The following OSBPL3 variants were observed in gnomAD, a reference collection of about 807,000 sequenced individuals.
OSBPL3 encodes the protein oxysterol-binding protein-related protein 3.
OSBPL3 carries 65 observed loss-of-function variants against 120.1 expected under a neutral mutation model. The observed-to-expected ratio is 0.54, with a 90% CI of 0.44 to 0.67. OSBPL3 has a LOEUF of 0.67. OSBPL3 is among the 30% of genes least tolerant of loss of function. OSBPL3 has a pLI of 0.00. For missense variants in OSBPL3, 1,004 were observed against 1,082.1 expected (o/e 0.93, Z 1.01); for synonymous variants, 416 against 402.6 (o/e 1.03, Z -0.40).
chr7:24,809,800 C>A lies in OSBPL3; in HGVS notation c.2317+7G>T, dbSNP rs774783993. On this transcript the variant is annotated splice_region_variant and intron_variant, in intron 20 of 22. Transcript: ENST00000313367. ...ACAGCCTGGGGTCCACAAACCCAGA[C>A]ACTCACTTGCTCTCCATACACAGGC... The A allele has an allele frequency of 6.2e-6, 10 of 1,613,900 alleles. No individual in the cohort carries two copies. Among genetic ancestry groups the A allele is most frequent in the Non-Finnish European group, 8.5e-6 (10 of 1,179,948 alleles).
In OSBPL3 at chr7:24,808,421, A is replaced by T. The variant is rs1793339484; in HGVS notation, c.2317+1386T>A. 6.7e-6 allele frequency among the ~76,000 whole-genome samples: 1 copy of T among 149,754 alleles called. No individual in the cohort carries two copies. The highest frequency in any genetic ancestry group is 7.1e-5 in the Admixed American group (1 of 14,082). The stretch of plus-strand genomic sequence containing the variant: ...GAATAATGACAGTAACAAAAATTTA[A>T]ACAGTGTTGCTTTATCAAGGTGGTA... On this transcript the variant is annotated intron_variant, in intron 20 of 22. Transcript: ENST00000313367. This position sits in a 1 kb window ranked among gnomAD's most constrained non-coding sequence, Gnocchi z 4.6.
intron 13 of OSBPL3, among the ~76,000 whole-genome samples, chr7:24,841,567 C>T (rs1210863528): frequency 1.3e-5 from 2 of 151,270 alleles, no homozygotes; most frequent in Admixed American, 6.6e-5. Context: ...ATGGGGCGCA[C>T]GCCTGTATTC....
At chr7:24,840,623 A>G (rs939600537) in intron 14 of OSBPL3, 67 bp downstream of exon 14, 2 of 651,834 alleles carry the variant, frequency 3.1e-6, no homozygotes, top group Non-Finnish European at 5.3e-6. Flanking sequence ...TCAAGAGTCA[A>G]CTATACAACT....
In OSBPL3 at chr7:24,815,316, T is replaced by C. The variant is rs914818596; in HGVS notation, c.2028-113A>G. ...ATGCAATGCATTATTCATCTCTTTA[T>C]TCACAGAAGCAACACTGGCTAAGTG... On this transcript the variant is annotated intron_variant, in intron 18 of 22. Transcript: ENST00000313367. This position sits in a 1 kb window ranked among gnomAD's most constrained non-coding sequence, Gnocchi z 5.1. 2.5e-6 allele frequency: 2 copies of C among 807,610 alleles called. No individual in the cohort carries two copies. The highest frequency in any genetic ancestry group is 2.0e-6 in the Non-Finnish European group (1 of 500,348). The allele number at this position is 807,610 out of a possible 1,614,324, so 50.0% of individuals were successfully genotyped here.
chr7:24,874,449 T>C (rs1407478996), intron 2 of OSBPL3, among the ~76,000 whole-genome samples: 2 of 152,218 alleles, frequency 1.3e-5, no homozygotes, highest in East Asian at 1.9e-4. Flanking sequence ...TCAGACGTTA[T>C]TGCATCCTTT....
Position 24,879,964 on chromosome 7 carries a change from T to C in OSBPL3, c.97-7895A>G, listed in dbSNP as rs1803418978. ...TTAAAGCTACAAACAGCATCTTCTA[T>C]GCATTTTTCTCTCCTCCTAATGCTC... On this transcript the variant is annotated intron_variant, in intron 2 of 22. Transcript: ENST00000313367. This position sits in a 1 kb window ranked among gnomAD's most constrained non-coding sequence, Gnocchi z 5.6. Among the ~76,000 whole-genome samples the C allele has an allele frequency of 6.6e-6, 1 of 152,220 alleles. No individual in the cohort carries two copies. The highest frequency in any genetic ancestry group is 1.9e-4 in the East Asian group (1 of 5,200).
At position 24,855,961 on chromosome 7, in the gene OSBPL3, C is replaced by T. The variant is rs1349707868; in HGVS notation, c.1028-3327G>A. Among the ~76,000 whole-genome samples, 1 of 152,186 alleles carries T rather than the reference C, an allele frequency of 6.6e-6. No homozygotes were observed. The highest frequency in any genetic ancestry group is 2.1e-4 in the South Asian group (1 of 4,824). On this transcript the variant is annotated intron_variant, in intron 10 of 22. Coordinates refer to ENST00000313367, the MANE Select transcript of OSBPL3 (RefSeq NM_015550.4). This position sits in a 1 kb window ranked among gnomAD's most constrained non-coding sequence, Gnocchi z 4.3. ...CTTCCCCGCCAAATGGTCTGCTGGC[C>T]CACGCTTGTCAGAGCACTTGCTATC...
At position 24,871,739 on chromosome 7, in the gene OSBPL3, T is replaced by TA. The variant is rs766296793; in HGVS notation, c.267+2dup. ...ACCACAGTGGGCCCACAAAAAGACT[T>TA]ACATCGGTTTGGCTCTTGGCATATT... On this transcript the variant is annotated splice_region_variant and intron_variant, in intron 4 of 22. Transcript: ENST00000313367. This position sits in a 1 kb window ranked among gnomAD's most constrained non-coding sequence, Gnocchi z 4.8. 1 of 1,610,956 alleles carries TA rather than the reference T, an allele frequency of 6.2e-7. No individual in the cohort carries two copies. The highest frequency in any genetic ancestry group is 1.1e-5 in the South Asian group (1 of 90,968).
At chr7:24,904,767 A>G (rs964374548) in intron 1 of OSBPL3, among the ~76,000 whole-genome samples, 6 of 152,198 alleles carry the variant, frequency 3.9e-5, no homozygotes, top group African/African-American at 1.4e-4. Flanking sequence ...CAAATACGGC[A>G]TGATTCCACT....
chr7:24,942,438 G>A (rs1813211007), intron 1 of OSBPL3, among the ~76,000 whole-genome samples: 1 of 112,770 alleles, frequency 8.9e-6, no homozygotes, highest in African/African-American at 3.8e-5. Flanking sequence ...CCTGGATTTA[G>A]ATCCTTCACG....
At chr7:24,884,051 G>T (rs1261362078) in intron 2 of OSBPL3, among the ~76,000 whole-genome samples, 1 of 149,460 alleles carries the variant, frequency 6.7e-6, no homozygotes, top group African/African-American at 2.5e-5. Context: ...TCTCAGTGGG[G>T]TCCACTAGAA....
Position 24,959,556 on chromosome 7 carries a change from G to A in OSBPL3, c.-150+20330C>T, listed in dbSNP as rs558706055. On this transcript the variant is annotated intron_variant, in intron 1 of 22. Coordinates refer to ENST00000313367, the MANE Select transcript of OSBPL3 (RefSeq NM_015550.4). The surrounding 1 kb of genome is among the most constrained non-coding windows in gnomAD (Gnocchi z 4.3). The stretch of plus-strand genomic sequence containing the variant: ...ATTACCCATTGCGGGTAGGGATAGC[G>A]ACTTCGGAAGAGCTGGTAATCACCT... 6.6e-6 allele frequency among the ~76,000 whole-genome samples: 1 copy of A among 152,180 alleles called. No homozygotes were observed. Among genetic ancestry groups the A allele is most frequent in the Admixed American group, 6.5e-5 (1 of 15,278 alleles).
In OSBPL3 at chr7:24,932,598, C is replaced by G. The variant is rs148072256; in HGVS notation, c.-149-39977G>C. ...AGATTCCCCACAGAGCTGCCTTGTC[C>G]CTTCCACCCTGTGAGCACACAGCAA... On this transcript the variant is annotated intron_variant, in intron 1 of 22. Transcript: ENST00000313367. This position sits in a 1 kb window ranked among gnomAD's most constrained non-coding sequence, Gnocchi z 5.6. Among the ~76,000 whole-genome samples, 185 of 152,188 alleles carry G rather than the reference C, an allele frequency of 1.2e-3. No homozygotes were observed. The highest frequency in any genetic ancestry group is 3.7e-3 in the African/African-American group (153 of 41,508).
intron 1 of OSBPL3, among the ~76,000 whole-genome samples, chr7:24,917,454 C>CATAT (rs1174566621): frequency 1.2e-5 from 1 of 84,556 alleles, no homozygotes; most frequent in Admixed American, 1.2e-4. Context: ...TATACACACA[C>CATAT]ATATATATAT....
chr7:24,839,991 C>CAAAAAAAAAAAAAAAAAAA (rs71675250), intron 14 of OSBPL3, among the ~76,000 whole-genome samples: 4 of 53,302 alleles, frequency 7.5e-5, no homozygotes, highest in East Asian at 5.4e-4. Flanking sequence ...CTCCATCTCA[C>CAAAAAAAAAAAAAAAAAAA]AAAAAAAAAA....
intron 1 of OSBPL3, among the ~76,000 whole-genome samples, chr7:24,979,547 C>T (rs1373749156): frequency 6.6e-6 from 1 of 152,204 alleles, no homozygotes; most frequent in Non-Finnish European, 1.5e-5. Flanking sequence ...GTAGCGCCTC[C>T]CCGCTGCCCA....
chr7:24,841,132 T>C (rs1797686338), intron 13 of OSBPL3, among the ~76,000 whole-genome samples: 1 of 152,168 alleles, frequency 6.6e-6, no homozygotes, highest in Admixed American at 6.5e-5. Flanking sequence ...GTAAAAAGTA[T>C]CTTCTATGGG....
At chr7:24,895,373 C>T (rs1032027772) in intron 1 of OSBPL3, among the ~76,000 whole-genome samples, 2 of 152,154 alleles carry the variant, frequency 1.3e-5, no homozygotes, top group African/African-American at 4.8e-5. Flanking sequence ...GGTTTGTAGC[C>T]TGGGAGCAGT....
Position 24,972,646 on chromosome 7 carries a change from G to A in OSBPL3, c.-150+7240C>T, listed in dbSNP as rs1373687244. On this transcript the variant is annotated intron_variant, in intron 1 of 22. Coordinates refer to ENST00000313367, the MANE Select transcript of OSBPL3 (RefSeq NM_015550.4). The surrounding 1 kb of genome is among the most constrained non-coding windows in gnomAD (Gnocchi z 4.3). ...GAAACGTATGAGCAAAAATCTTAGCGCATGCTTTAATTCTAGGGAGGCATC... is the reference window on the plus strand; with the variant it reads ...GAAACGTATGAGCAAAAATCTTAGCACATGCTTTAATTCTAGGGAGGCATC... Among the ~76,000 whole-genome samples the A allele has an allele frequency of 1.3e-5, 2 of 152,128 alleles. No homozygotes were observed. The highest frequency in any genetic ancestry group is 2.4e-5 in the African/African-American group (1 of 41,428).
Sources: allele counts gnomAD v4.1 joint callset (sites outside exome capture counted in the v4.1 genomes callset), GRCh38; gene constraint gnomAD v4.1.1; non-coding constraint Gnocchi (gnomAD v3.1); transcripts MANE v1.5; gene names NCBI Gene and HGNC (gene_info 2026-07-23, HGNC 2026-07-21).